The following SRGAP3 variants were observed in gnomAD, a reference collection of about 807,000 sequenced individuals.
SRGAP3 encodes SLIT-ROBO Rho GTPase activating protein 3.
A neutral mutation model predicts 121.1 loss-of-function variants in SRGAP3; 39 were observed. That is an observed-to-expected ratio of 0.32 (90% CI 0.25 to 0.42). SRGAP3 has a LOEUF of 0.42. Ranked by LOEUF, SRGAP3 falls within the 10% of genes least tolerant of loss-of-function variation. The probability of loss-of-function intolerance (pLI) is 1.00; values close to 1 mark genes in which losing one functional copy is unlikely to be tolerated. For missense variants in SRGAP3, 1,213 were observed against 1,470.6 expected (o/e 0.82, Z 2.86); for synonymous variants, 601 against 570.0 (o/e 1.05, Z -0.77).
chr3:9,151,306 G>C (rs1231996537), intron 1 of SRGAP3, among the ~76,000 whole-genome samples: 2 of 152,180 alleles, frequency 1.3e-5, no homozygotes, highest in Non-Finnish European at 2.9e-5. Flanking sequence ...GGGGAGCCCA[G>C]AACTTACTGG....
At chr3:9,345,612 C>T (rs35356759) in intron 1 of SRGAP3, among the ~76,000 whole-genome samples, 9,441 of 151,514 alleles carry the variant, frequency 0.062, 1,035 homozygotes, top group African/African-American at 0.22. Context: ...GGTGAAACCC[C>T]GTCTCTACTA....
rs117865667 is a variant in SRGAP3 at position 9,037,635 on chromosome 3, T to C, written c.1436+428A>G. 1.8e-3 allele frequency: 471 copies of C among 257,906 alleles called. 8 individuals carry two copies. In the East Asian group the frequency reaches 0.042, roughly 23 times the overall value. 16.0% of individuals were successfully genotyped at this position (257,906 alleles called of 1,614,324 possible). A position where few individuals can be genotyped will look rare whatever the true frequency, so the allele number is the denominator to read the frequency against. ...ATCTGAGCCTGGCCCAAAGCCTTGG[T>C]ACATGGGGACCTCAGGCTGGGCCTC... On this transcript the variant is annotated intron_variant, in intron 11 of 21. Coordinates refer to ENST00000383836, the MANE Select transcript of SRGAP3 (RefSeq NM_014850.4).
At chr3:8,995,993 C>T (rs746823516) in intron 18 of SRGAP3, among the ~76,000 whole-genome samples, 11 of 152,150 alleles carry the variant, frequency 7.2e-5, no homozygotes, top group Non-Finnish European at 1.0e-4. Flanking sequence ...TCGTCTTCAT[C>T]GATCTATTCA....
intron 14 of SRGAP3, 75 bp from the exon 15 acceptor site, chr3:9,015,806 T>C: frequency 6.3e-7 from 1 of 1,586,686 alleles, no homozygotes; most frequent in South Asian, 1.1e-5. Context: ...GCCGAAGAGA[T>C]GACCTGGTCC....
intron 1 of SRGAP3, among the ~76,000 whole-genome samples, chr3:9,167,915 T>G (rs1356402903): frequency 6.6e-6 from 1 of 152,102 alleles, no homozygotes; most frequent in Admixed American, 6.5e-5. Context: ...AGAAAATACC[T>G]CCAGGGAACT....
At chr3:9,286,984 C>CTTTTTTTT (rs1433896598) in intron 3 of SRGAP3, among the ~76,000 whole-genome samples, 1 of 103,192 alleles carries the variant, frequency 9.7e-6, no homozygotes, top group Non-Finnish European at 2.0e-5. Context: ...CACACTGACA[C>CTTTTTTTT]TCTTTTTTTT....
chr3:9,150,926 G>A (rs1486860105), intron 1 of SRGAP3, among the ~76,000 whole-genome samples: 3 of 152,190 alleles, frequency 2.0e-5, no homozygotes, highest in African/African-American at 4.8e-5. Flanking sequence ...AGACCTTCCA[G>A]TCTAGAAGAA....
At chr3:9,339,738 G>A (rs1230535641) in intron 1 of SRGAP3, among the ~76,000 whole-genome samples, 1 of 152,108 alleles carries the variant, frequency 6.6e-6, no homozygotes, top group Non-Finnish European at 1.5e-5. Context: ...CTAACCTAGG[G>A]GCTGCCAGTT....
chr3:9,245,591 T>C (rs181638864), intron 1 of SRGAP3, among the ~76,000 whole-genome samples: 3 of 152,252 alleles, frequency 2.0e-5, no homozygotes, highest in Non-Finnish European at 4.4e-5. Flanking sequence ...ATAGAACCAA[T>C]AAGTAGATGA....
intron 3 of SRGAP3, among the ~76,000 whole-genome samples, chr3:9,310,542 A>T (rs61754897): frequency 0.012 from 1,814 of 152,194 alleles, 26 homozygotes; most frequent in African/African-American, 0.037. Flanking sequence ...TTCTGGGAAG[A>T]GGTGCTTCTG....
chr3:9,225,429 T>C (rs1218845748), intron 1 of SRGAP3, among the ~76,000 whole-genome samples: 2 of 152,118 alleles, frequency 1.3e-5, no homozygotes, highest in Non-Finnish European at 2.9e-5. Flanking sequence ...GTGTGGAAGT[T>C]ACCAGGTTGA....
In SRGAP3 at chr3:9,026,929, G is replaced by A. The variant is rs765411182; in HGVS notation, c.1600+6C>T. Reference sequence around the variant, plus strand: ...GCTGAAAACACTGGCCCAAGATCCAGCTTACCATATAAATTGATGTAACGG... The same window carrying A: ...GCTGAAAACACTGGCCCAAGATCCAACTTACCATATAAATTGATGTAACGG... On this transcript the variant is annotated splice_donor_region_variant and intron_variant, in intron 13 of 21. Coordinates refer to ENST00000383836, the MANE Select transcript of SRGAP3 (RefSeq NM_014850.4). 2 of 1,614,154 alleles carry A rather than the reference G, an allele frequency of 1.2e-6. No individual in the cohort carries two copies. The highest frequency in any genetic ancestry group is 1.1e-5 in the South Asian group (1 of 91,090).
At chr3:9,325,886 G>T (rs1005795474) in intron 3 of SRGAP3, 2 of 151,842 alleles carry the variant, frequency 1.3e-5, no homozygotes, top group Non-Finnish European at 2.9e-5. Context: ...CATAAACAGA[G>T]AAAAAATATT....
Position 8,980,685 on chromosome 3 carries a change from C to A in SRGAP3, c.*4834G>T, listed in dbSNP as rs543073523. 8.6e-6 allele frequency: 2 copies of A among 232,436 alleles called. No homozygotes were observed. Among genetic ancestry groups the A allele is most frequent in the East Asian group, 6.1e-5 (1 of 16,420 alleles). 14.4% of individuals were successfully genotyped at this position (232,436 alleles called of 1,614,324 possible). ...ACGCGACAGAGGATCCAATCAGACA[C>A]TCTATAGGACGGGCGTTTGGTCGTA... On this transcript the variant is annotated 3_prime_UTR_variant, in exon 22 of 22. Transcript: ENST00000383836.
chr3:9,289,941 T>C (rs545965636), intron 3 of SRGAP3, among the ~76,000 whole-genome samples: 129 of 152,198 alleles, frequency 8.5e-4, no homozygotes, highest in African/African-American at 2.9e-3. Flanking sequence ...AGAAACCCTG[T>C]CTCTACTAAA....
chr3:9,242,615 A>G (rs1354406913), intron 1 of SRGAP3, among the ~76,000 whole-genome samples: 1 of 152,254 alleles, frequency 6.6e-6, no homozygotes. Flanking sequence ...AGGCTGGAAG[A>G]CAGAGCAAGA....
At chr3:9,360,746 T>C (rs1253273652) in intron 1 of SRGAP3, among the ~76,000 whole-genome samples, 1 of 152,144 alleles carries the variant, frequency 6.6e-6, no homozygotes, top group Non-Finnish European at 1.5e-5. Context: ...ACAAGAACAG[T>C]ATGCAGGGAA....
In SRGAP3 at chr3:9,013,909, C is replaced by T. The variant is rs568681237; in HGVS notation, c.1814-67G>A. 33 of 1,464,650 alleles carry T rather than the reference C, an allele frequency of 2.3e-5. 1 individual carries two copies. Among genetic ancestry groups the T allele is most frequent in the Middle Eastern group, 1.7e-4 (1 of 5,734 alleles). The allele number at this position is 1,464,650 out of a possible 1,614,324, so 90.7% of individuals were successfully genotyped here. ...GAGAGCAAAGCAACAAACATTCGCT[C>T]GCCACATCTCCTATATCAACCCACG... On this transcript the variant is annotated intron_variant, in intron 15 of 21. Transcript: ENST00000383836.
intron 13 of SRGAP3, 141 bp from the exon 14 acceptor site, chr3:9,025,479 T>C (rs1944150153): frequency 5.1e-6 from 5 of 978,478 alleles, no homozygotes; most frequent in Non-Finnish European, 7.9e-6. Context: ...TCCCTATGAA[T>C]GTCTCCAGAA....
Sources: allele counts gnomAD v4.1 joint callset (sites outside exome capture counted in the v4.1 genomes callset), GRCh38; gene constraint gnomAD v4.1.1; transcripts MANE v1.5; gene names NCBI Gene and HGNC (gene_info 2026-07-23, HGNC 2026-07-21).